Variants in EXOC5 observed in about 807,000 individuals in gnomAD.
EXOC5 encodes exocyst complex component 5.
A neutral mutation model predicts 90.8 loss-of-function variants in EXOC5; 17 were observed. The ratio of observed to expected loss-of-function variants is 0.19; its 90% CI spans 0.13 to 0.28. The LOEUF (loss-of-function observed/expected upper bound fraction) is 0.28. Among genes scored for constraint, EXOC5 ranks in the 10% least tolerant of loss-of-function variants. The pLI, the probability that EXOC5 is intolerant of heterozygous loss-of-function variation, is 1.00. For synonymous variants in EXOC5, 260 were observed against 270.0 expected, an observed-to-expected ratio of 0.96 and a Z score of 0.36; for missense variants, 569 against 830.6, an observed-to-expected ratio of 0.69 and a Z score of 3.87.
intron 4 of EXOC5, among the ~76,000 whole-genome samples, chr14:57,240,751 TTAA>T (rs930836945): frequency 3.3e-5 from 5 of 152,246 alleles, no homozygotes; most frequent in African/African-American, 1.2e-4. Context: ...TGGCACAATT[TTAA>T]TAATTCATTT....
chr14:57,249,580 G>A (rs908541793), intron 1 of EXOC5, among the ~76,000 whole-genome samples: 12 of 152,048 alleles, frequency 7.9e-5, no homozygotes, highest in South Asian at 4.1e-4. Context: ...GACCTACTAC[G>A]TGCTAGAGAC....
At chr14:57,237,395 TGTTA>T (rs1338009129) in intron 5 of EXOC5, 29 bp from the exon 6 acceptor site, 2 of 1,498,076 alleles carry the variant, frequency 1.3e-6, no homozygotes, top group Non-Finnish European at 1.8e-6. Context: ...CCATGAGGTT[TGTTA>T]GTTGTGATAA....
chr14:57,268,513 T>G, intron 1 of EXOC5, 109 bp downstream of exon 1: 4 of 1,530,476 alleles, frequency 2.6e-6, no homozygotes, highest in Non-Finnish European at 3.5e-6. Context: ...CGCACCTCTC[T>G]CCCGAGGGCT....
intron 4 of EXOC5, among the ~76,000 whole-genome samples, chr14:57,241,204 A>G (rs1200187462): frequency 6.6e-6 from 1 of 152,182 alleles, no homozygotes; most frequent in Admixed American, 6.5e-5. Flanking sequence ...GCAACTGTGA[A>G]TAACAACAGC....
chr14:57,211,768 G>A (rs76381282), intron 15 of EXOC5: 1 of 152,236 alleles, frequency 6.6e-6, no homozygotes, highest in African/African-American at 2.4e-5. Context: ...AGCTACTCAG[G>A]AGGCTGAGGC....
At position 57,201,485 on chromosome 14, in the gene EXOC5, TAA is replaced by T. The variant is rs1422881444; in HGVS notation, c.*7122_*7123del. 5.0e-5 allele frequency: 6 copies of T among 121,026 alleles called. No homozygotes were observed. Among genetic ancestry groups the T allele is most frequent in the South Asian group, 2.2e-4 (1 of 4,454 alleles). The allele number at this position is 121,026 out of a possible 1,614,324, so 7.5% of individuals were successfully genotyped here. A position where few individuals can be genotyped will look rare whatever the true frequency, so the allele number is the denominator to read the frequency against. On this transcript the variant is annotated 3_prime_UTR_variant, in exon 18 of 18. Transcript: ENST00000621441. ...GCGTGTATATGTACACACACGTGTA[TAA>T]ACACACGTGTATATACACACACATA...
chr14:57,232,644 T>C, intron 10 of EXOC5, 23 bp downstream of exon 10: 1 of 1,040,444 alleles, frequency 9.6e-7, no homozygotes, highest in Admixed American at 2.4e-5. Context: ...TTATCTATTA[T>C]TTTCTAATCA....
At chr14:57,225,172 T>C (rs1444876021) in intron 12 of EXOC5, among the ~76,000 whole-genome samples, 3 of 152,194 alleles carry the variant, frequency 2.0e-5, no homozygotes, top group Non-Finnish European at 4.4e-5. Flanking sequence ...CAAAGGTCAA[T>C]TGATGACCAA....
At position 57,268,720 on chromosome 14, in the gene EXOC5, G is replaced by A. The variant is rs2139680053; in HGVS notation, c.-72C>T. The A allele has an allele frequency of 7.8e-6, 12 of 1,533,888 alleles. No homozygotes were observed. Among genetic ancestry groups the A allele is most frequent in the African/African-American group, 1.4e-5 (1 of 72,488 alleles). Reference sequence around the variant, plus strand: ...TCACATGCTGCGCCTCAGAGGCGCGGCGCACAGGTCTCCGCTCGGCTCGCC... The same window carrying A: ...TCACATGCTGCGCCTCAGAGGCGCGACGCACAGGTCTCCGCTCGGCTCGCC... On this transcript the variant is annotated 5_prime_UTR_variant, in exon 1 of 18. Coordinates refer to ENST00000621441, the MANE Select transcript of EXOC5 (RefSeq NM_006544.4).
Position 57,220,712 on chromosome 14 carries a change from A to G in EXOC5, c.1406-1270T>C, listed in dbSNP as rs1883107855. On this transcript the variant is annotated intron_variant, in intron 13 of 17. Coordinates refer to ENST00000621441, the MANE Select transcript of EXOC5 (RefSeq NM_006544.4). ...CTACTCAGGAGGCTGAGGTAGGAGT[A>G]TTGCTTGAGCCCAGGAGTTCAAAGT... Among the ~76,000 whole-genome samples the G allele has an allele frequency of 2.0e-5, 3 of 152,210 alleles. No individual in the cohort carries two copies. In the South Asian group the frequency reaches 6.2e-4, roughly 32 times the overall value.
chr14:57,244,258 T>C lies in EXOC5; in HGVS notation c.372A>G (p.Arg124=). 1.2e-6 allele frequency: 2 copies of C among 1,613,574 alleles called. No individual in the cohort carries two copies. Among genetic ancestry groups the C allele is most frequent in the Non-Finnish European group, 1.7e-6 (2 of 1,179,496 alleles). ...ATTTCTGAGCCTCCACTGCCCGTTG[T>C]CTGGGTGTGTTTACCCCCTCTAACT... The part of the protein sequence containing the change: ...GDQLEGVNTP[R]QRAVEAQKLM... The change falls in exon 4 of 18, where the codon AGA becomes AGG. Residue 124 remains arginine (R), a synonymous_variant. Coordinates refer to ENST00000621441, the MANE Select transcript of EXOC5 (RefSeq NM_006544.4).
At chr14:57,231,816 GT>G in intron 10 of EXOC5, 101 bp from the exon 11 acceptor site, 1 of 732,998 alleles carries the variant, frequency 1.4e-6, no homozygotes, top group Non-Finnish European at 2.2e-6. Flanking sequence ...CATGACTTAT[GT>G]TAAGCCACCA....
Position 57,264,414 on chromosome 14 carries a change from C to T in EXOC5, c.27+4208G>A, listed in dbSNP as rs906481982. Among the ~76,000 whole-genome samples, 6 of 152,242 alleles carry T rather than the reference C, an allele frequency of 3.9e-5. No individual in the cohort carries two copies. The South Asian group carries it at 1.2e-3, about 32-fold the overall frequency. On this transcript the variant is annotated intron_variant, in intron 1 of 17. Transcript: ENST00000621441. ...GTGGGAAAAGGTGTTCTTCAATATT[C>T]ATACTCTAATTTGGAAGTCAAACAG...
At chr14:57,264,849 ATTTT>A (rs1884622984) in intron 1 of EXOC5, among the ~76,000 whole-genome samples, 1 of 152,156 alleles carries the variant, frequency 6.6e-6, no homozygotes, top group Non-Finnish European at 1.5e-5. Context: ...TTATAACCTT[ATTTT>A]TAAGAGTATA....
Position 57,246,774 on chromosome 14 carries a change from T to C in EXOC5, c.207A>G (p.Gln69=), listed in dbSNP as rs145311570. Residue 69 remains glutamine, a synonymous_variant, in exon 3 of 18, where the codon CAA becomes CAG. Transcript: ENST00000621441. The part of the protein sequence containing the change: ...RIQRKVEKLE[Q]QCQKEAKEFA... Reference sequence around the variant, plus strand: ...ATTCCTTGGCTTCTTTCTGACATTGTTGCTCTAGTTTCTCTACTTTCCTCT... The same window carrying C: ...ATTCCTTGGCTTCTTTCTGACATTGCTGCTCTAGTTTCTCTACTTTCCTCT... 3.5e-5 allele frequency: 57 copies of C among 1,610,222 alleles called. No individual in the cohort carries two copies. The African/African-American group carries it at 6.1e-4, about 17-fold the overall frequency.
At chr14:57,230,125 T>C (rs1162890201) in intron 11 of EXOC5, among the ~76,000 whole-genome samples, 2 of 152,194 alleles carry the variant, frequency 1.3e-5, no homozygotes, top group Non-Finnish European at 2.9e-5. Context: ...AATTCAGCCT[T>C]ACAATTCTGA....
intron 14 of EXOC5, among the ~76,000 whole-genome samples, chr14:57,218,810 T>G (rs1479153261): frequency 2.6e-5 from 4 of 152,114 alleles, no homozygotes; most frequent in Non-Finnish European, 4.4e-5. Flanking sequence ...CTGTAAAGCA[T>G]GTTCACATAT....
intron 11 of EXOC5, among the ~76,000 whole-genome samples, chr14:57,231,030 A>G (rs1883469645): frequency 6.8e-6 from 1 of 147,216 alleles, no homozygotes; most frequent in African/African-American, 2.5e-5. Context: ...TTTTTTTGAC[A>G]CGGAGTCTTG....
chr14:57,205,595 G>A lies in EXOC5; in HGVS notation c.*3014C>T, dbSNP rs1409088251. 1 of 314,008 alleles carries A rather than the reference G, an allele frequency of 3.2e-6. No individual in the cohort carries two copies. The highest frequency in any genetic ancestry group is 6.1e-6 in the Non-Finnish European group (1 of 164,784). 19.5% of individuals were successfully genotyped at this position (314,008 alleles called of 1,614,324 possible). On this transcript the variant is annotated 3_prime_UTR_variant, in exon 18 of 18. Coordinates refer to ENST00000621441, the MANE Select transcript of EXOC5 (RefSeq NM_006544.4). ...TCAAAATCTCTTTATCCAGATCCTTGTAAATATTCACCATTACAGGTAAGA... is the reference window on the plus strand; with the variant it reads ...TCAAAATCTCTTTATCCAGATCCTTATAAATATTCACCATTACAGGTAAGA...
Sources: gnomAD v4.1 joint callset for allele counts (sites outside exome capture counted in the v4.1 genomes callset) on GRCh38, gnomAD v4.1.1 for gene constraint, MANE v1.5 for transcripts, NCBI Gene and HGNC (gene_info 2026-07-23, HGNC 2026-07-21) for gene names.